Variants in PPP1R12A observed in about 807,000 individuals in gnomAD.
PPP1R12A encodes the protein protein phosphatase 1 regulatory subunit 12A.
In PPP1R12A, 19 loss-of-function variants were observed where a neutral mutation model predicts 139.6. That is an observed-to-expected ratio of 0.14 (90% CI 0.09 to 0.20). PPP1R12A has a LOEUF of 0.20. Ranked by LOEUF, PPP1R12A falls within the 10% of genes least tolerant of loss-of-function variation. The pLI, the probability that PPP1R12A is intolerant of heterozygous loss-of-function variation, is 1.00. For missense variants in PPP1R12A, 925 were observed against 1,211.5 expected, an observed-to-expected ratio of 0.76 and a Z score of 3.51; for synonymous variants, 427 against 420.6, an observed-to-expected ratio of 1.02 and a Z score of -0.19.
chr12:79,797,852 T>C (rs1453179337), intron 15 of PPP1R12A, among the ~76,000 whole-genome samples: 1 of 152,152 alleles, frequency 6.6e-6, no homozygotes, highest in African/African-American at 2.4e-5. Flanking sequence ...AAAAAGTATA[T>C]TAAGGCCCTA....
intron 2 of PPP1R12A, among the ~76,000 whole-genome samples, chr12:79,858,700 T>C (rs1880966789): frequency 6.6e-6 from 1 of 152,184 alleles, no homozygotes; most frequent in South Asian, 2.1e-4. Flanking sequence ...CATTATTGAA[T>C]TCCAGACAGA....
chr12:79,786,318 G>T, intron 22 of PPP1R12A, 56 bp downstream of exon 22: 1 of 1,096,110 alleles, frequency 9.1e-7, no homozygotes, highest in Non-Finnish European at 1.3e-6. Context: ...ACCATTTTTA[G>T]ATGGGATAAA....
Position 79,872,795 on chromosome 12 carries a change from A to G in PPP1R12A, c.368+13T>C. The stretch of plus-strand genomic sequence containing the variant: ...CAGTATTAGAATAAAATGAAAACAC[A>G]GAACTGGCTTACTCTGCAATATCAA... On this transcript the variant is annotated intron_variant, in intron 2 of 24. Transcript: ENST00000450142. The G allele has an allele frequency of 6.2e-7, 1 of 1,612,144 alleles. No individual in the cohort carries two copies. The highest frequency in any genetic ancestry group is 8.5e-7 in the Non-Finnish European group (1 of 1,179,102).
At chr12:79,814,751 G>A (rs1166907566) in intron 9 of PPP1R12A, among the ~76,000 whole-genome samples, 2 of 127,156 alleles carry the variant, frequency 1.6e-5, no homozygotes, top group Middle Eastern at 6.3e-3. Flanking sequence ...GGAGGTGGAG[G>A]TTGCAGTGAG....
rs1029966509 is a variant in PPP1R12A at position 79,901,198 on chromosome 12, A to G, written c.238-28260T>C. ...GTAACTGTTTGAGATGCCTGATTACATGAGCCAGCAAAGTAAGGATCAATT... is the reference window on the plus strand; with the variant it reads ...GTAACTGTTTGAGATGCCTGATTACGTGAGCCAGCAAAGTAAGGATCAATT... On this transcript the variant is annotated intron_variant, in intron 1 of 24. Transcript: ENST00000450142. Among the ~76,000 whole-genome samples the G allele has an allele frequency of 2.6e-5, 4 of 152,210 alleles. No homozygotes were observed. The East Asian group carries it at 5.8e-4, about 22-fold the overall frequency.
intron 3 of PPP1R12A, among the ~76,000 whole-genome samples, chr12:79,834,375 G>C (rs1033772167): frequency 1.3e-5 from 2 of 152,156 alleles, no homozygotes; most frequent in Admixed American, 6.6e-5. Context: ...GTGGTGACAC[G>C]ATCTGACTTA....
intron 20 of PPP1R12A, among the ~76,000 whole-genome samples, chr12:79,789,956 T>C (rs1002020079): frequency 5.4e-5 from 8 of 147,286 alleles, no homozygotes; most frequent in Admixed American, 4.1e-4. Context: ...ATTAAGAAAT[T>C]TTTTTTTTTT....
At position 79,872,876 on chromosome 12, in the gene PPP1R12A, A is replaced by G; in HGVS notation, c.300T>C (p.Asn100=). 6.2e-7 allele frequency: 1 copy of G among 1,613,486 alleles called. No individual in the cohort carries two copies. The highest frequency in any genetic ancestry group is 8.5e-7 in the Non-Finnish European group (1 of 1,179,584). Residue 100 remains asparagine (N), a synonymous_variant, in exon 2 of 25, where the codon AAT becomes AAC. Transcript: ENST00000450142. ...KFLVENGANI[N]QPDNEGWIPL... Reference sequence around the variant, plus strand: ...GTATCCAGCCTTCATTATCAGGTTGATTAATATTTGCTCCATTTTCTACCA... The same window carrying G: ...GTATCCAGCCTTCATTATCAGGTTGGTTAATATTTGCTCCATTTTCTACCA...
At chr12:79,915,123 G>T (rs2136925529) in intron 1 of PPP1R12A, among the ~76,000 whole-genome samples, 1 of 152,184 alleles carries the variant, frequency 6.6e-6, no homozygotes, top group South Asian at 2.1e-4. Flanking sequence ...TTTGAAAATT[G>T]ATTCCTTTTT....
At chr12:79,807,823 G>A (rs1039574283) in intron 11 of PPP1R12A, among the ~76,000 whole-genome samples, 1 of 151,924 alleles carries the variant, frequency 6.6e-6, no homozygotes, top group Non-Finnish European at 1.5e-5. Flanking sequence ...TGGATCACAA[G>A]GTCAAGAGTT....
Position 79,775,508 on chromosome 12 carries a change from A to T in PPP1R12A, c.*421T>A, listed in dbSNP as rs1028060549. 6.5e-6 allele frequency: 1 copy of T among 152,974 alleles called. No homozygotes were observed. The allele number at this position is 152,974 out of a possible 1,614,324, so 9.5% of individuals were successfully genotyped here. ...AAAAACTCGAAACTGTGGCACATCA[A>T]AAAATGTTGAGTAACTGTCTTCTGT... On this transcript the variant is annotated 3_prime_UTR_variant, in exon 25 of 25. Coordinates refer to ENST00000450142, the MANE Select transcript of PPP1R12A (RefSeq NM_002480.3).
At chr12:79,794,577 T>C (rs1872275857) in intron 18 of PPP1R12A, among the ~76,000 whole-genome samples, 5 of 151,824 alleles carry the variant, frequency 3.3e-5, no homozygotes. Context: ...ATATGTTGTT[T>C]ATTAAAAAAA....
chr12:79,899,233 A>AATATATATATATATATAT (rs58319454), intron 1 of PPP1R12A, among the ~76,000 whole-genome samples: 2 of 141,934 alleles, frequency 1.4e-5, no homozygotes, highest in South Asian at 2.3e-4. Context: ...AGATCTTAAA[A>AATATATATATATATATAT]ATATATATAT....
chr12:79,885,583 T>A (rs1177441130), intron 1 of PPP1R12A, among the ~76,000 whole-genome samples: 1 of 152,158 alleles, frequency 6.6e-6, no homozygotes, highest in African/African-American at 2.4e-5. Context: ...TAAGAAAATC[T>A]TAGGGATTAC....
chr12:79,812,861 T>C (rs1874788110), intron 9 of PPP1R12A, among the ~76,000 whole-genome samples: 1 of 152,176 alleles, frequency 6.6e-6, no homozygotes, highest in Non-Finnish European at 1.5e-5. Flanking sequence ...TTAGACCTTC[T>C]CTGTCATTTT....
intron 10 of PPP1R12A, 88 bp downstream of exon 10, chr12:79,809,707 A>G (rs936875498): frequency 4.9e-6 from 5 of 1,013,440 alleles, no homozygotes; most frequent in Non-Finnish European, 7.3e-6. Context: ...AGATCTAAAG[A>G]TAACTAGCAG....
chr12:79,793,833 C>T, intron 19 of PPP1R12A, 30 bp downstream of exon 19: 1 of 1,482,460 alleles, frequency 6.7e-7, no homozygotes, highest in South Asian at 1.2e-5. Context: ...AATATGAATA[C>T]TTCTCAATAC....
At position 79,834,811 on chromosome 12, in the gene PPP1R12A, A is replaced by G. The variant is rs1877875727; in HGVS notation, c.488-2320T>C. 1.3e-5 allele frequency among the ~76,000 whole-genome samples: 2 copies of G among 152,074 alleles called. 1 individual carries two copies. Among genetic ancestry groups the G allele is most frequent in the Non-Finnish European group, 2.9e-5 (2 of 68,030 alleles). Reference sequence around the variant, plus strand: ...AACCAAATTTTTCCCCAACCATTCTATTTGCTGCCTGTCTTGTTTTCCTAC... The same window carrying G: ...AACCAAATTTTTCCCCAACCATTCTGTTTGCTGCCTGTCTTGTTTTCCTAC... On this transcript the variant is annotated intron_variant, in intron 3 of 24. Coordinates refer to ENST00000450142, the MANE Select transcript of PPP1R12A (RefSeq NM_002480.3).
chr12:79,888,928 T>C (rs889372706), intron 1 of PPP1R12A, among the ~76,000 whole-genome samples: 5 of 152,226 alleles, frequency 3.3e-5, no homozygotes, highest in African/African-American at 1.2e-4. Flanking sequence ...CAAAGGCACA[T>C]ATCCCTTGAC....
Sources: gnomAD v4.1 joint callset for allele counts (sites outside exome capture counted in the v4.1 genomes callset) on GRCh38, gnomAD v4.1.1 for gene constraint, MANE v1.5 for transcripts, NCBI Gene and HGNC (gene_info 2026-07-23, HGNC 2026-07-21) for gene names.